The following RGS7 variants were observed in gnomAD, a reference collection of about 807,000 sequenced individuals.
RGS7 encodes the protein regulator of G protein signaling 7.
A neutral mutation model predicts 81.1 loss-of-function variants in RGS7; 27 were observed. That is an observed-to-expected ratio of 0.33 (90% CI 0.25 to 0.46). The LOEUF (loss-of-function observed/expected upper bound fraction) is 0.46, where lower values mean the gene tolerates loss of function less well. Ranked by LOEUF, RGS7 falls within the 20% of genes least tolerant of loss-of-function variation. The probability of loss-of-function intolerance (pLI) is 1.00; values close to 1 mark genes in which losing one functional copy is unlikely to be tolerated. For missense variants in RGS7, 396 were observed against 607.4 expected, an observed-to-expected ratio of 0.65 and a Z score of 3.66; for synonymous variants, 208 against 207.7, an observed-to-expected ratio of 1.00 and a Z score of -0.01.
At chr1:241,227,714 C>G (rs927376327) in intron 2 of RGS7, among the ~76,000 whole-genome samples, 3 of 117,860 alleles carry the variant, frequency 2.5e-5, no homozygotes, top group African/African-American at 8.1e-5. Context: ...TACATTACAC[C>G]GTACTCCTAG....
intron 2 of RGS7, among the ~76,000 whole-genome samples, chr1:241,182,095 G>A (rs2071668373): frequency 6.6e-6 from 1 of 152,132 alleles, no homozygotes; most frequent in African/African-American, 2.4e-5. Flanking sequence ...AGAAGGGCTG[G>A]GTTGGAATTC....
At chr1:241,212,579 T>C (rs1446756924) in intron 2 of RGS7, among the ~76,000 whole-genome samples, 2 of 152,222 alleles carry the variant, frequency 1.3e-5, no homozygotes, top group African/African-American at 2.4e-5. Flanking sequence ...CCTAGCTGTC[T>C]GCACAGGAGG....
chr1:241,297,356 G>A (rs2079488364), intron 2 of RGS7, among the ~76,000 whole-genome samples: 1 of 152,228 alleles, frequency 6.6e-6, no homozygotes, highest in Non-Finnish European at 1.5e-5. Flanking sequence ...GATATGATGA[G>A]TGTCCCACCT....
At chr1:240,783,135 CAAAG>C (rs1421580970) in intron 18 of RGS7, among the ~76,000 whole-genome samples, 2 of 152,164 alleles carry the variant, frequency 1.3e-5, no homozygotes, top group East Asian at 1.9e-4. Context: ...ATTACATAAA[CAAAG>C]AGAGTTCTCT....
At chr1:240,857,316 TC>T (rs1558363029) in intron 9 of RGS7, among the ~76,000 whole-genome samples, 2 of 152,052 alleles carry the variant, frequency 1.3e-5, no homozygotes, top group Non-Finnish European at 2.9e-5. Context: ...CACCCCAAAG[TC>T]CCCTGTATTA....
rs1377686563 is a variant in RGS7 at position 240,998,815 on chromosome 1, T to G, written c.176-15686A>C. The stretch of plus-strand genomic sequence containing the variant: ...GCCATGGCACGGGTGAGTGTGGGGC[T>G]GGCGCTGCCGGACGCGGATGGACCG... On this transcript the variant is annotated intron_variant, in intron 3 of 18. Transcript: ENST00000440928. 3 of 623,020 alleles carry G rather than the reference T, an allele frequency of 4.8e-6. No individual in the cohort carries two copies. The African/African-American group carries it at 5.5e-5, about 11-fold the overall frequency. 38.6% of individuals were successfully genotyped at this position (623,020 alleles called of 1,614,324 possible). A position where few individuals can be genotyped will look rare whatever the true frequency, so the allele number is the denominator to read the frequency against.
intron 9 of RGS7, among the ~76,000 whole-genome samples, chr1:240,839,949 A>C (rs1695332654): frequency 6.6e-6 from 1 of 151,860 alleles, no homozygotes; most frequent in African/African-American, 2.4e-5. Flanking sequence ...TACTTCCCAC[A>C]CTTGATTCAT....
chr1:241,076,490 T>C (rs1226900363), intron 3 of RGS7, among the ~76,000 whole-genome samples: 1 of 152,212 alleles, frequency 6.6e-6, no homozygotes, highest in Non-Finnish European at 1.5e-5. Flanking sequence ...GATCTGAAGC[T>C]AGATATACAA....
chr1:241,071,102 T>C (rs1007984739), intron 3 of RGS7, among the ~76,000 whole-genome samples: 3 of 152,180 alleles, frequency 2.0e-5, no homozygotes, highest in Non-Finnish European at 2.9e-5. Context: ...TCTATAGAAA[T>C]TTCACCTTAG....
intron 18 of RGS7, among the ~76,000 whole-genome samples, chr1:240,782,164 A>G (rs1684229468): frequency 6.6e-6 from 1 of 152,216 alleles, no homozygotes; most frequent in Admixed American, 6.5e-5. Flanking sequence ...GGAAAGGAAA[A>G]TGCATAAGCC....
At chr1:241,079,815 C>T (rs2063033548) in intron 3 of RGS7, among the ~76,000 whole-genome samples, 1 of 151,452 alleles carries the variant, frequency 6.6e-6, no homozygotes, top group South Asian at 2.1e-4. Flanking sequence ...CCATCCCCAC[C>T]CTCACCCCAT....
intron 3 of RGS7, among the ~76,000 whole-genome samples, chr1:241,062,994 T>C (rs978698834): frequency 6.6e-6 from 1 of 152,228 alleles, no homozygotes; most frequent in Non-Finnish European, 1.5e-5. Context: ...ATGTTACTCC[T>C]CCACTGAATT....
At chr1:241,006,024 G>A (rs190708836) in intron 3 of RGS7, among the ~76,000 whole-genome samples, 3 of 152,070 alleles carry the variant, frequency 2.0e-5, no homozygotes, top group Admixed American at 1.3e-4. Flanking sequence ...AGAGCTTATT[G>A]TAGACATATA....
At chr1:241,291,093 G>A (rs1053800006) in intron 2 of RGS7, among the ~76,000 whole-genome samples, 2 of 152,124 alleles carry the variant, frequency 1.3e-5, no homozygotes, top group African/African-American at 2.4e-5. Context: ...CTGTCCTTAA[G>A]GAACTTAGAC....
intron 2 of RGS7, among the ~76,000 whole-genome samples, chr1:241,220,510 C>T (rs1269692243): frequency 6.6e-6 from 1 of 152,002 alleles, no homozygotes. Context: ...ATTTTTCCTT[C>T]CTGTCACCCT....
intron 6 of RGS7, among the ~76,000 whole-genome samples, chr1:240,903,679 C>T (rs1007747715): frequency 6.6e-6 from 1 of 152,088 alleles, no homozygotes. Context: ...AAATCTGATC[C>T]CCATGATGGT....
chr1:241,092,161 T>C lies in RGS7; in HGVS notation c.175+6505A>G, dbSNP rs75146325. 6.9e-3 allele frequency among the ~76,000 whole-genome samples: 1,052 copies of C among 152,328 alleles called. 17 individuals are homozygous for C. The highest frequency in any genetic ancestry group is 0.025 in the African/African-American group (1,027 of 41,568). On this transcript the variant is annotated intron_variant, in intron 3 of 18. Coordinates refer to ENST00000440928, the MANE Select transcript of RGS7 (RefSeq NM_001364886.1). ...CACAAGAAACCACGTGCTATTTCAA[T>C]ATCTTGTTAAGCAAGTGAAAACCTA...
At chr1:241,122,341 G>A (rs2066340004) in intron 2 of RGS7, among the ~76,000 whole-genome samples, 1 of 152,118 alleles carries the variant, frequency 6.6e-6, no homozygotes, top group Non-Finnish European at 1.5e-5. Flanking sequence ...ATCATAAGTT[G>A]AAAATATTGT....
intron 2 of RGS7, among the ~76,000 whole-genome samples, chr1:241,349,551 A>G (rs754047370): frequency 4.6e-5 from 7 of 152,252 alleles, no homozygotes; most frequent in Non-Finnish European, 8.8e-5. Flanking sequence ...ACTTTTGTTA[A>G]TTAGACACAA....
Sources: allele counts gnomAD v4.1 joint callset (sites outside exome capture counted in the v4.1 genomes callset), GRCh38; gene constraint gnomAD v4.1.1; transcripts MANE v1.5; gene names NCBI Gene and HGNC (gene_info 2026-07-23, HGNC 2026-07-21).